Variants in KIAA0825 observed in about 807,000 individuals in gnomAD.
KIAA0825 encodes the protein uncharacterized protein KIAA0825.
In KIAA0825, 119 loss-of-function variants were observed where a neutral mutation model predicts 147.6. That is an observed-to-expected ratio of 0.81 (90% CI 0.69 to 0.94). The LOEUF is 0.94. Among genes scored for constraint, KIAA0825 ranks in the 40% least tolerant of loss-of-function variants. The pLI is 0.00. For missense variants in KIAA0825, 1,381 were observed against 1,472.7 expected (o/e 0.94, Z 1.02); for synonymous variants, 470 against 518.1 (o/e 0.91, Z 1.26).
chr5:94,181,639 A>G (rs1769624671), intron 20 of KIAA0825, among the ~76,000 whole-genome samples: 1 of 152,204 alleles, frequency 6.6e-6, no homozygotes. Flanking sequence ...TTACTGCTGT[A>G]AGACATGCCA....
intron 20 of KIAA0825, among the ~76,000 whole-genome samples, chr5:94,185,444 A>G (rs1464559939): frequency 6.6e-6 from 1 of 152,222 alleles, no homozygotes; most frequent in African/African-American, 2.4e-5. Context: ...AGGAAGCCAC[A>G]TATTAAATAT....
intron 20 of KIAA0825, among the ~76,000 whole-genome samples, chr5:94,190,158 G>A (rs569388627): frequency 2.8e-4 from 43 of 152,096 alleles, no homozygotes; most frequent in Non-Finnish European, 5.7e-4. Flanking sequence ...TTATTCATTA[G>A]ATTTAATACC....
At chr5:94,251,149 A>G (rs767077017) in intron 20 of KIAA0825, among the ~76,000 whole-genome samples, 4 of 152,110 alleles carry the variant, frequency 2.6e-5, no homozygotes, top group Non-Finnish European at 5.9e-5. Flanking sequence ...GTCTGAAAGA[A>G]TCCTAGTTAT....
chr5:94,531,090 G>C (rs1770707467), intron 3 of KIAA0825, among the ~76,000 whole-genome samples: 1 of 151,972 alleles, frequency 6.6e-6, no homozygotes, highest in South Asian at 2.1e-4. Flanking sequence ...CCAAGAGTAG[G>C]TGAAGCTAAC....
chr5:94,183,574 C>A (rs566680432), intron 20 of KIAA0825, among the ~76,000 whole-genome samples: 2 of 152,278 alleles, frequency 1.3e-5, no homozygotes, highest in South Asian at 4.2e-4. Flanking sequence ...AGCCCAACCC[C>A]TTGACATCCC....
At chr5:94,487,822 C>T (rs1359083064) in intron 5 of KIAA0825, among the ~76,000 whole-genome samples, 1 of 152,142 alleles carries the variant, frequency 6.6e-6, no homozygotes, top group Admixed American at 6.6e-5. Context: ...GGCGTAGTGG[C>T]GTGAGCCTGT....
Position 94,152,842 on chromosome 5 carries a change from AAAAAAAAAAAAAATTATATAT to A in KIAA0825, c.*1144_*1164del, listed in dbSNP as rs1562283922. ...AAATGAAAAAAAAAAAAAAAAAAAA[AAAAAAAAAAAAAATTATATAT>A]ATATATATATATATATATATATATA... is the stretch of plus-strand genomic sequence containing the variant. On this transcript the variant is annotated 3_prime_UTR_variant, in exon 21 of 21. Coordinates refer to ENST00000682413, the MANE Select transcript of KIAA0825 (RefSeq NM_001145678.3). 14 of 35,258 alleles carry A rather than the reference AAAAAAAAAAAAAATTATATAT, an allele frequency of 4.0e-4. No homozygotes were observed. The highest frequency in any genetic ancestry group is 6.2e-4 in the Non-Finnish European group (11 of 17,882). 2.2% of individuals were successfully genotyped at this position (35,258 alleles called of 1,614,324 possible).
intron 20 of KIAA0825, among the ~76,000 whole-genome samples, chr5:94,229,350 C>T (rs1052517240): frequency 6.6e-6 from 1 of 152,098 alleles, no homozygotes; most frequent in African/African-American, 2.4e-5. Context: ...CTCTATTTAG[C>T]CTGCTTCTTC....
At chr5:94,563,736 G>GTGCAATGGTGCAATCTCGGCTCAC (rs1778023099) in intron 2 of KIAA0825, among the ~76,000 whole-genome samples, 1 of 152,076 alleles carries the variant, frequency 6.6e-6, no homozygotes. Flanking sequence ...CCAGGATGGG[G>GTGCAATGGTGCAATCTCGGCTCAC]TGCAATGGTG....
At chr5:94,475,599 G>T (rs1021639228) in intron 7 of KIAA0825, among the ~76,000 whole-genome samples, 3 of 152,176 alleles carry the variant, frequency 2.0e-5, no homozygotes, top group Admixed American at 2.0e-4. Context: ...CCTGAGGTCA[G>T]GAGTTCGAGA....
chr5:94,154,502 T>C (rs1766848681), intron 20 of KIAA0825, among the ~76,000 whole-genome samples: 1 of 152,234 alleles, frequency 6.6e-6, no homozygotes. Flanking sequence ...TTAACCAGAT[T>C]AGTGGTTGTA....
chr5:94,468,067 C>G (rs115736717), intron 10 of KIAA0825, among the ~76,000 whole-genome samples: 1 of 152,224 alleles, frequency 6.6e-6, no homozygotes, highest in Non-Finnish European at 1.5e-5. Context: ...ATGGAAGCTA[C>G]AGTACCATGT....
rs1036365474 is a variant in KIAA0825, at chr5:94,483,566, C to CT, written c.1132+1202dup. On this transcript the variant is annotated intron_variant, in intron 6 of 20. Coordinates refer to ENST00000682413, the MANE Select transcript of KIAA0825 (RefSeq NM_001145678.3). ...CATTCTCTCCTAATTAAATCTTTGG[C>CT]TTTTTTTTGGTTTTTTTGGGGGGGT... Among the ~76,000 whole-genome samples the CT allele has an allele frequency of 3.9e-4, 59 of 151,144 alleles. No homozygotes were observed. The East Asian group carries it at 4.7e-3, about 12-fold the overall frequency.
chr5:94,271,134 G>C (rs1460696035), intron 20 of KIAA0825, among the ~76,000 whole-genome samples: 1 of 151,924 alleles, frequency 6.6e-6, no homozygotes, highest in East Asian at 1.9e-4. Flanking sequence ...ACATCAAAAT[G>C]GACTAAAGAC....
intron 20 of KIAA0825, among the ~76,000 whole-genome samples, chr5:94,290,144 G>T (rs1200150262): frequency 1.3e-5 from 2 of 151,874 alleles, no homozygotes; most frequent in African/African-American, 4.8e-5. Context: ...AGAAAAAATT[G>T]TTTATTATAC....
intron 20 of KIAA0825, among the ~76,000 whole-genome samples, chr5:94,373,942 G>A (rs558775827): frequency 3.3e-5 from 5 of 152,174 alleles, no homozygotes; most frequent in Admixed American, 6.5e-5. Context: ...AAGCCTTACA[G>A]AAGTCAATTC....
chr5:94,440,655 C>G (rs1328146475), intron 13 of KIAA0825, among the ~76,000 whole-genome samples: 2 of 152,032 alleles, frequency 1.3e-5, no homozygotes, highest in South Asian at 2.1e-4. Flanking sequence ...ATTATCAGAA[C>G]TGCTGCTATT....
chr5:94,371,749 C>A (rs1251950697), intron 20 of KIAA0825, among the ~76,000 whole-genome samples: 1 of 152,132 alleles, frequency 6.6e-6, no homozygotes, highest in Non-Finnish European at 1.5e-5. Context: ...CTGCCCCTGG[C>A]CCCTCCAAAA....
intron 5 of KIAA0825, among the ~76,000 whole-genome samples, chr5:94,512,877 T>C (rs769597493): frequency 9.2e-5 from 14 of 152,044 alleles, no homozygotes; most frequent in Non-Finnish European, 1.9e-4. Context: ...GCCTGAGCGA[T>C]AGAGCGAGAC....
Sources: allele counts gnomAD v4.1 joint callset (sites outside exome capture counted in the v4.1 genomes callset), GRCh38; gene constraint gnomAD v4.1.1; transcripts MANE v1.5; gene names NCBI Gene and HGNC (gene_info 2026-07-23, HGNC 2026-07-21).